CERS2: variants seen among roughly 807,000 people sequenced by gnomAD.
CERS2 encodes ceramide synthase 2.
In CERS2, 20 loss-of-function variants were observed where a neutral mutation model predicts 56.6. The ratio of observed to expected loss-of-function variants is 0.35; its 90% CI spans 0.25 to 0.51. The LOEUF (loss-of-function observed/expected upper bound fraction) is 0.51. Among genes scored for constraint, CERS2 ranks in the 20% least tolerant of loss-of-function variants. CERS2 has a pLI of 0.96. For missense variants in CERS2, 361 were observed against 488.6 expected (o/e 0.74, Z 2.46); for synonymous variants, 187 against 175.4 (o/e 1.07, Z -0.52).
intron 4 of CERS2, 28 bp from the exon 5 acceptor site, chr1:150,967,905 TCAGAGGATAGCA>T: frequency 6.3e-7 from 1 of 1,586,280 alleles, no homozygotes; most frequent in Non-Finnish European, 8.7e-7. Context: ...AATGGCTAGG[TCAGAGGATAGCA>T]CAGTCCCCCA....
At chr1:150,968,620 C>T in intron 2 of CERS2, 108 bp from the exon 3 acceptor site, 1 of 929,088 alleles carries the variant, frequency 1.1e-6, no homozygotes, top group Non-Finnish European at 1.7e-6. Context: ...TGGCAACCCC[C>T]TTTTCTCTAG....
intron 4 of CERS2, 81 bp downstream of exon 4, chr1:150,968,002 C>T (rs1393685975): frequency 2.8e-6 from 4 of 1,414,954 alleles, no homozygotes; most frequent in Non-Finnish European, 4.0e-6. Context: ...CATCTCCCTG[C>T]GTATAGCCAC....
In CERS2 at chr1:150,965,652, T is replaced by C. The variant is rs1670986152; in HGVS notation, c.*496A>G. ...TCCTACCCTCAATTCATTTGTGTCA[T>C]AGAGGGAGAAAGTTAAAAGCTCAGC... On this transcript the variant is annotated 3_prime_UTR_variant, in exon 11 of 11. Transcript: ENST00000368954. The C allele has an allele frequency of 6.5e-6, 1 of 154,632 alleles. No homozygotes were observed. The highest frequency in any genetic ancestry group is 2.0e-4 in the South Asian group (1 of 4,980). 9.6% of individuals were successfully genotyped at this position (154,632 alleles called of 1,614,324 possible).
rs1451550768 is a variant in CERS2, at chr1:150,967,805, G to GT, written c.468+14dup. Reference sequence around the variant, plus strand: ...CCAGAGAACCTACTCCCACCTCCCAGTAATCCCCACTCACATCCACAATGA... The same window carrying GT: ...CCAGAGAACCTACTCCCACCTCCCAGTTAATCCCCACTCACATCCACAATGA... On this transcript the variant is annotated intron_variant, in intron 5 of 10. Transcript: ENST00000368954. 1.9e-6 allele frequency: 3 copies of GT among 1,612,634 alleles called. No homozygotes were observed. The highest frequency in any genetic ancestry group is 2.5e-6 in the Non-Finnish European group (3 of 1,178,640).
intron 7 of CERS2, 57 bp from the exon 8 acceptor site, chr1:150,967,259 C>T: frequency 3.8e-6 from 6 of 1,582,616 alleles, no homozygotes; most frequent in Non-Finnish European, 5.2e-6. Flanking sequence ...CTCACTATGC[C>T]TTCTTACCCC....
Position 150,966,231 on chromosome 1 carries a change from C to G in CERS2, c.1060G>C (p.Ala354Pro). ...EETESSEGEE[A>P]AAGGGAKSRP... The stretch of plus-strand genomic sequence containing the variant: ...CTCTTTGCTCCTCCCCCAGCTGCAG[C>G]CTCCTCCCCCTCTGAGCTCTCTGTT... The change falls in exon 11 of 11, where the codon GCT becomes CCT. Residue 354 changes from alanine (A) to proline (P), a missense_variant. By Grantham distance (27) the Ala-to-Pro change is conservative. Transcript: ENST00000368954. 6.2e-7 allele frequency: 1 copy of G among 1,606,900 alleles called. No individual in the cohort carries two copies. The highest frequency in any genetic ancestry group is 8.5e-7 in the Non-Finnish European group (1 of 1,178,118).
At position 150,966,135 on chromosome 1, in the gene CERS2, C is replaced by G; in HGVS notation, c.*13G>C. Reference sequence around the variant, plus strand: ...CTTTATGCATTAATCTGGGAGGCAGCTGGAGTAATGGTTCAGTCATTCTTA... The same window carrying G: ...CTTTATGCATTAATCTGGGAGGCAGGTGGAGTAATGGTTCAGTCATTCTTA... On this transcript the variant is annotated 3_prime_UTR_variant, in exon 11 of 11. Transcript: ENST00000368954. 1 of 1,610,906 alleles carries G rather than the reference C, an allele frequency of 6.2e-7. No homozygotes were observed. Among genetic ancestry groups the G allele is most frequent in the Non-Finnish European group, 8.5e-7 (1 of 1,178,972 alleles).
chr1:150,969,289 T>C (rs1007745064), intron 1 of CERS2, 198 bp from the exon 2 acceptor site: 2 of 576,408 alleles, frequency 3.5e-6, no homozygotes, highest in East Asian at 2.9e-5. Flanking sequence ...TAACATTTAC[T>C]GTTAGGCCGG....
chr1:150,965,198 T>C lies in CERS2; in HGVS notation c.*950A>G, dbSNP rs1399461198. The C allele has an allele frequency of 6.6e-6, 1 of 152,636 alleles. No homozygotes were observed. Among genetic ancestry groups the C allele is most frequent in the African/African-American group, 2.4e-5 (1 of 41,446 alleles). 9.5% of individuals were successfully genotyped at this position (152,636 alleles called of 1,614,324 possible). A position where few individuals can be genotyped will look rare whatever the true frequency, so the allele number is the denominator to read the frequency against. On this transcript the variant is annotated 3_prime_UTR_variant, in exon 11 of 11. Transcript: ENST00000368954. ...TGCAAGGAAGGCATAAGAAAGACTC[T>C]CTTCGTTTATTTAGTTGATCCCCCT...
At position 150,968,386 on chromosome 1, in the gene CERS2, G is replaced by T; in HGVS notation, c.291+9C>A. The T allele has an allele frequency of 1.9e-6, 3 of 1,600,836 alleles. No homozygotes were observed. Among genetic ancestry groups the T allele is most frequent in the South Asian group, 1.1e-5 (1 of 90,802 alleles). Reference sequence around the variant, plus strand: ...GATTCCCAGAGCCAGAGCAGCATGCGGCTCATACCTGCTTGGGCTGCTTGC... The same window carrying T: ...GATTCCCAGAGCCAGAGCAGCATGCTGCTCATACCTGCTTGGGCTGCTTGC... On this transcript the variant is annotated intron_variant, in intron 3 of 10. Transcript: ENST00000368954.
chr1:150,967,488 G>C lies in CERS2; in HGVS notation c.520-4C>G. On this transcript the variant is annotated splice_region_variant and splice_polypyrimidine_tract_variant and intron_variant, in intron 6 of 10. Coordinates refer to ENST00000368954, the MANE Select transcript of CERS2 (RefSeq NM_022075.5). ...AATACTGGGAAGGGATAGTGCTCTG[G>C]GAGAGGAGAGAGAGGTAAGAGCAAC... 2 of 1,558,186 alleles carry C rather than the reference G, an allele frequency of 1.3e-6. No individual in the cohort carries two copies. The highest frequency in any genetic ancestry group is 1.8e-6 in the Non-Finnish European group (2 of 1,129,082).
At position 150,966,294 on chromosome 1, in the gene CERS2, GA is replaced by G; in HGVS notation, c.1003-7del. On this transcript the variant is annotated splice_region_variant and splice_polypyrimidine_tract_variant and intron_variant, in intron 10 of 10. Transcript: ENST00000368954. ...CTGCGTTCATCTTCTACCAGCTGTG[GA>G]AAAGGGACAAGAAGGGTTATTACAT... 1 of 1,612,110 alleles carries G rather than the reference GA, an allele frequency of 6.2e-7. No individual in the cohort carries two copies. The highest frequency in any genetic ancestry group is 1.7e-5 in the Admixed American group (1 of 59,312).
At chr1:150,970,924 C>T (rs374037254) in intron 1 of CERS2, among the ~76,000 whole-genome samples, 1 of 152,222 alleles carries the variant, frequency 6.6e-6, no homozygotes, top group African/African-American at 2.4e-5. Context: ...ACCTCCTCCC[C>T]CAACTGAAAG....
At chr1:150,974,108 T>A (rs12027075) in intron 1 of CERS2, 1 of 152,434 alleles carries the variant, frequency 6.6e-6, no homozygotes, top group East Asian at 1.9e-4. Flanking sequence ...GTGGGCACGG[T>A]GGGCCGGTAG....
In CERS2 at chr1:150,966,644, A is replaced by G. The variant is rs1671025822; in HGVS notation, c.849-15T>C. 4 of 1,613,652 alleles carry G rather than the reference A, an allele frequency of 2.5e-6. No individual in the cohort carries two copies. Among genetic ancestry groups the G allele is most frequent in the East Asian group, 4.5e-5 (2 of 44,878 alleles). On this transcript the variant is annotated splice_polypyrimidine_tract_variant and intron_variant, in intron 9 of 10. Transcript: ENST00000368954. The stretch of plus-strand genomic sequence containing the variant: ...AATGCAGGATCCTGAGGATTCAAGG[A>G]GAGAGAGAACGTGGACAAGAGCAGG...
chr1:150,967,468 T>C lies in CERS2; in HGVS notation c.536A>G (p.Gln179Arg). Residue 179 changes from glutamine (Q) to arginine (R), a missense_variant, in exon 7 of 11, where the codon CAG becomes CGG. Gln to Arg is a conservative substitution (Grantham distance 43). Coordinates refer to ENST00000368954, the MANE Select transcript of CERS2 (RefSeq NM_022075.5). ...GYPIQSTIPS[Q>R]YWYYMIELSF... is the part of the protein sequence containing the mutation. ...AAGTTCAATCATGTAGTACCAATAC[T>C]GGGAAGGGATAGTGCTCTGGGAGAG... 1 of 1,589,622 alleles carries C rather than the reference T, an allele frequency of 6.3e-7. No homozygotes were observed. Among genetic ancestry groups the C allele is most frequent in the Non-Finnish European group, 8.6e-7 (1 of 1,157,768 alleles).
chr1:150,971,761 G>A (rs749279388), intron 1 of CERS2: 14 of 435,170 alleles, frequency 3.2e-5, no homozygotes, highest in Admixed American at 1.4e-4. Context: ...GGGACAATGC[G>A]GAACACTTTG....
At position 150,966,109 on chromosome 1, in the gene CERS2, G is replaced by A. The variant is rs767808328; in HGVS notation, c.*39C>T. On this transcript the variant is annotated 3_prime_UTR_variant, in exon 11 of 11. Coordinates refer to ENST00000368954, the MANE Select transcript of CERS2 (RefSeq NM_022075.5). ...GCGCAGGGAGCGGGGTAGTTCCTTG[G>A]CTTTATGCATTAATCTGGGAGGCAG... 1.2e-6 allele frequency: 2 copies of A among 1,600,208 alleles called. No homozygotes were observed. Among genetic ancestry groups the A allele is most frequent in the Non-Finnish European group, 1.7e-6 (2 of 1,172,742 alleles).
chr1:150,972,593 T>G (rs587739983), intron 1 of CERS2, among the ~76,000 whole-genome samples: 3 of 152,354 alleles, frequency 2.0e-5, no homozygotes, highest in East Asian at 3.9e-4. Flanking sequence ...GTTACTTGAC[T>G]TCTTATGGAG....
Sources: allele counts gnomAD v4.1 joint callset (sites outside exome capture counted in the v4.1 genomes callset), GRCh38; gene constraint gnomAD v4.1.1; transcripts MANE v1.5; gene names NCBI Gene and HGNC (gene_info 2026-07-23, HGNC 2026-07-21).